Variants in SCN1A observed in about 807,000 individuals in gnomAD.
The protein encoded by SCN1A is sodium channel protein type 1 subunit alpha.
SCN1A carries 13 observed loss-of-function variants against 193.7 expected under a neutral mutation model. The ratio of observed to expected loss-of-function variants is 0.07; its 90% confidence interval spans 0.04 to 0.11. The LOEUF (loss-of-function observed/expected upper bound fraction) is 0.11, where lower values mean the gene tolerates loss of function less well. Ranked by LOEUF, SCN1A falls within the 10% of genes least tolerant of loss-of-function variation. SCN1A has a pLI of 1.00. For missense variants in SCN1A, 1,432 were observed against 2,451.1 expected, an observed-to-expected ratio of 0.58 and a Z score of 8.78; for synonymous variants, 781 against 843.6, an observed-to-expected ratio of 0.93 and a Z score of 1.29.
intron 1 of SCN1A, among the ~76,000 whole-genome samples, chr2:166,134,133 C>T (rs79570811): frequency 1.7e-3 from 256 of 152,098 alleles, no homozygotes; most frequent in African/African-American, 6.0e-3. Flanking sequence ...ATTGCTTTAT[C>T]GATAGGGTTT....
At chr2:166,071,642 G>A (rs1184999884) in intron 4 of SCN1A, 1 of 151,546 alleles carries the variant, frequency 6.6e-6, no homozygotes, top group Non-Finnish European at 1.5e-5. Flanking sequence ...TGTAATCCTA[G>A]CACTTTGGGA....
chr2:166,065,254 C>G (rs542751707), intron 4 of SCN1A, among the ~76,000 whole-genome samples: 2 of 152,046 alleles, frequency 1.3e-5, no homozygotes, highest in Non-Finnish European at 2.9e-5. Flanking sequence ...TTTCATAGCT[C>G]TAAGCTGCTG....
intron 1 of SCN1A, among the ~76,000 whole-genome samples, chr2:166,137,318 C>T: frequency 6.6e-6 from 1 of 152,136 alleles, no homozygotes; most frequent in East Asian, 1.9e-4. Context: ...AATACCCTAA[C>T]CCTTAATACA....
chr2:166,148,056 A>G (rs1365784162), intron 1 of SCN1A, among the ~76,000 whole-genome samples: 1 of 152,206 alleles, frequency 6.6e-6, no homozygotes, highest in African/African-American at 2.4e-5. Context: ...TAGACAGTTT[A>G]TGCAGACTTT....
intron 2 of SCN1A, among the ~76,000 whole-genome samples, chr2:166,118,302 C>CTTTTT (rs61002916): frequency 1.2e-5 from 1 of 81,068 alleles, no homozygotes; most frequent in African/African-American, 5.1e-5. Flanking sequence ...TATTTAGTTT[C>CTTTTT]TTTTTTTTTT....
intron 2 of SCN1A, among the ~76,000 whole-genome samples, chr2:166,108,412 G>A (rs1429820355): frequency 6.6e-6 from 1 of 152,050 alleles, no homozygotes; most frequent in Non-Finnish European, 1.5e-5. Flanking sequence ...GTCTTACAAT[G>A]TTAAACATAG....
At chr2:166,024,880 C>T (rs1002524152) in intron 19 of SCN1A, among the ~76,000 whole-genome samples, 11 of 152,166 alleles carry the variant, frequency 7.2e-5, no homozygotes, top group African/African-American at 1.2e-4. Context: ...TCTTGAACTC[C>T]GGAGCTCAAG....
At chr2:166,079,121 T>G (rs974107280) in intron 2 of SCN1A, among the ~76,000 whole-genome samples, 31 of 151,660 alleles carry the variant, frequency 2.0e-4, no homozygotes, top group Admixed American at 5.9e-4. Flanking sequence ...ATTATATTGA[T>G]CTTATTTCTT....
intron 2 of SCN1A, among the ~76,000 whole-genome samples, chr2:166,092,276 G>C (rs908059086): frequency 7.9e-5 from 12 of 152,038 alleles, no homozygotes; most frequent in Non-Finnish European, 1.3e-4. Flanking sequence ...AGAGATCTAA[G>C]GTGGACCTAG....
At position 166,136,108 on chromosome 2, in the gene SCN1A, C is replaced by T. The variant is rs555955499; in HGVS notation, c.-50+12939G>A. Among the ~76,000 whole-genome samples the T allele has an allele frequency of 8.5e-4, 130 of 152,286 alleles. 1 individual carries two copies. Among genetic ancestry groups the T allele is most frequent in the South Asian group, 2.1e-3 (10 of 4,826 alleles). ...AGCTCAGAGACTAAAGTCCTTGTTT[C>T]CATGTTGCACTAGGTCTTTTTGAAA... is the stretch of plus-strand genomic sequence containing the variant. On this transcript the variant is annotated intron_variant, in intron 1 of 26. Transcript: ENST00000635750.
At chr2:166,002,902 C>G in intron 23 of SCN1A, 149 bp from the exon 24 acceptor site, 1 of 621,480 alleles carries the variant, frequency 1.6e-6, no homozygotes, top group Non-Finnish European at 2.5e-6. Flanking sequence ...TCAAAAAAAT[C>G]TTAAAATTCA....
intron 6 of SCN1A, among the ~76,000 whole-genome samples, chr2:166,055,901 C>T (rs1224431787): frequency 6.6e-6 from 1 of 152,000 alleles, no homozygotes; most frequent in Non-Finnish European, 1.5e-5. Context: ...TTTTCAAGTT[C>T]TACAACCCTG....
At position 165,991,268 on chromosome 2, in the gene SCN1A, C is replaced by A; in HGVS notation, c.6007G>T (p.Asp2003Tyr). The change falls in exon 29 of 29, where the codon GAT (aspartate) becomes TAT (tyrosine). Residue 2003 changes from aspartate (D) to tyrosine (Y), a missense_variant. Physicochemically the swap from Asp to Tyr is radical, Grantham distance 160. Transcript: ENST00000674923. ...ATTTATTTCCCTTTGGCTTTTTCAT[C>A]TTTGCCTTCTTGCTCATGTTTTTCC... ...IVEKHEQEGK[D>Y]EKAKGK The A allele has an allele frequency of 6.2e-7, 1 of 1,613,300 alleles. No homozygotes were observed. The highest frequency in any genetic ancestry group is 8.5e-7 in the Non-Finnish European group (1 of 1,179,700).
At position 166,052,934 on chromosome 2, in the gene SCN1A, T is replaced by C. The variant is rs2105895390; in HGVS notation, c.612A>G (p.Thr204=). 4 of 1,612,262 alleles carry C rather than the reference T, an allele frequency of 2.5e-6. No individual in the cohort carries two copies. The highest frequency in any genetic ancestry group is 3.4e-6 in the Non-Finnish European group (4 of 1,178,932). The change falls in exon 8 of 29, where the codon ACA becomes ACG. Residue 204 remains threonine, a synonymous_variant. Transcript: ENST00000674923. ...AGACATTGCCCAGGTCCACAAACTC[T>C]GTGACGTACCTGTAATAGGGAGTTC... ...DFTVITFAYV[T]EFVDLGNVSA... is the part of the protein sequence containing the mutation.
At chr2:166,120,634 T>G (rs1478121447) in intron 2 of SCN1A, among the ~76,000 whole-genome samples, 1 of 127,204 alleles carries the variant, frequency 7.9e-6, no homozygotes, top group Non-Finnish European at 1.6e-5. Flanking sequence ...TGAGACAGAG[T>G]CTTGCTCTGT....
At chr2:166,124,540 C>G (rs1691017694) in intron 2 of SCN1A, among the ~76,000 whole-genome samples, 1 of 152,048 alleles carries the variant, frequency 6.6e-6, no homozygotes, top group Non-Finnish European at 1.5e-5. Flanking sequence ...GAGTGAGACT[C>G]TGTCTCAAAA....
chr2:166,040,139 C>T lies in SCN1A; in HGVS notation c.2416-543G>A, dbSNP rs563846397. Among the ~76,000 whole-genome samples, 467 of 152,026 alleles carry T rather than the reference C, an allele frequency of 3.1e-3. 2 individuals carry two copies. Among genetic ancestry groups the T allele is most frequent in the Non-Finnish European group, 5.5e-3 (374 of 67,958 alleles). On this transcript the variant is annotated intron_variant, in intron 16 of 28. Coordinates refer to ENST00000674923, the MANE Select transcript of SCN1A (RefSeq NM_001165963.4). ...TTCACCATGTTAGGCAGGATGGTCT[C>T]GATCTCCTGACCTCGTGATCCGTCC...
intron 4 of SCN1A, among the ~76,000 whole-genome samples, chr2:166,067,969 G>A (rs181294626): frequency 5.9e-5 from 9 of 152,190 alleles, no homozygotes; most frequent in Admixed American, 3.3e-4. Context: ...AAGGAAACCT[G>A]GGCCTTTTTT....
Position 166,051,758 on chromosome 2 carries a change from C to A in SCN1A, c.925G>T (p.Val309Phe). The A allele has an allele frequency of 6.2e-7, 1 of 1,608,490 alleles. No individual in the cohort carries two copies. The highest frequency in any genetic ancestry group is 1.1e-5 in the South Asian group (1 of 90,874). ...TATGACTTCCAGTCAAACTCAAAGA[C>A]AGTTTCATTTATAAGTGTACCATTA... ...NYNGTLINET[V>F]FEFDWKSYIQ... Residue 309 changes from valine (V) to phenylalanine (F), a missense_variant, in exon 9 of 29, where the codon GTC becomes TTC. By Grantham distance (50) the Val-to-Phe change is conservative (BLOSUM62 -1). Transcript: ENST00000674923.
Sources: allele counts gnomAD v4.1 joint callset (sites outside exome capture counted in the v4.1 genomes callset), GRCh38; gene constraint gnomAD v4.1.1; transcripts MANE v1.5; gene names NCBI Gene and HGNC (gene_info 2026-07-23, HGNC 2026-07-21).